Variants in RAB3IP observed in about 807,000 individuals in gnomAD.
The protein encoded by RAB3IP is rab-3A-interacting protein.
Under a neutral mutation model 59.1 loss-of-function variants are expected in RAB3IP, and 36 were observed. The ratio of observed to expected loss-of-function variants is 0.61; its 90% CI spans 0.47 to 0.80. The LOEUF (loss-of-function observed/expected upper bound fraction) is 0.80, where lower values mean the gene tolerates loss of function less well. RAB3IP is among the 30% of genes least tolerant of loss of function. RAB3IP has a pLI of 0.00. For missense variants in RAB3IP, 511 were observed against 536.0 expected, an observed-to-expected ratio of 0.95 and a Z score of 0.46; for synonymous variants, 207 against 191.2, an observed-to-expected ratio of 1.08 and a Z score of -0.68.
rs1881122180 is a variant in RAB3IP at position 69,816,196 on chromosome 12, A to T, written c.*750A>T. 2 of 152,228 alleles carry T rather than the reference A, an allele frequency of 1.3e-5. No individual in the cohort carries two copies. The highest frequency in any genetic ancestry group is 2.9e-5 in the Non-Finnish European group (2 of 68,046). 9.4% of individuals were successfully genotyped at this position (152,228 alleles called of 1,614,324 possible). A position where few individuals can be genotyped will look rare whatever the true frequency, so the allele number is the denominator to read the frequency against. Reference sequence around the variant, plus strand: ...GTCAAAGGGGTTTAAAGGGGTGTGGATTGAATGAATGGTACGTGCGAAGTA... The same window carrying T: ...GTCAAAGGGGTTTAAAGGGGTGTGGTTTGAATGAATGGTACGTGCGAAGTA... On this transcript the variant is annotated 3_prime_UTR_variant, in exon 11 of 11. Coordinates refer to ENST00000247833, the MANE Select transcript of RAB3IP (RefSeq NM_022456.5).
At chr12:69,753,863 G>A (rs1376131747) in intron 1 of RAB3IP, among the ~76,000 whole-genome samples, 3 of 152,156 alleles carry the variant, frequency 2.0e-5, no homozygotes, top group Non-Finnish European at 4.4e-5. Flanking sequence ...GGAAAAACTT[G>A]AGTGGTACAC....
At chr12:69,783,675 C>T (rs1438343203) in intron 3 of RAB3IP, among the ~76,000 whole-genome samples, 1 of 152,304 alleles carries the variant, frequency 6.6e-6, no homozygotes, top group South Asian at 2.1e-4. Context: ...TAGATTTGCT[C>T]TCCGAGTTTT....
Position 69,770,288 on chromosome 12 carries a change from GC to G in RAB3IP, c.510+13632del, listed in dbSNP as rs372615436. Among the ~76,000 whole-genome samples, 45 of 151,734 alleles carry G rather than the reference GC, an allele frequency of 3.0e-4. No individual in the cohort carries two copies. In the East Asian group the frequency reaches 5.8e-3, roughly 20 times the overall value. ...GGTTTTGTTCCAGTCCTCCAAATCC[GC>G]CCCCCCACCCTGCCGGGGATTCCAA... On this transcript the variant is annotated intron_variant, in intron 3 of 10. Coordinates refer to ENST00000247833, the MANE Select transcript of RAB3IP (RefSeq NM_022456.5).
chr12:69,755,294 C>G, intron 1 of RAB3IP, 90 bp from the exon 2 acceptor site: 1 of 1,134,854 alleles, frequency 8.8e-7, no homozygotes, highest in Admixed American at 2.6e-5. Context: ...TTACAATGGA[C>G]TGTTAAACAC....
intron 3 of RAB3IP, among the ~76,000 whole-genome samples, chr12:69,771,740 A>G (rs1008439220): frequency 3.3e-5 from 5 of 152,150 alleles, no homozygotes; most frequent in Non-Finnish European, 4.4e-5. Flanking sequence ...TAATGGCTGT[A>G]CTAATTTATA....
At position 69,818,842 on chromosome 12, in the gene RAB3IP, A is replaced by G. The variant is rs972564752; in HGVS notation, c.*3396A>G. The G allele has an allele frequency of 6.6e-6, 1 of 152,218 alleles. No homozygotes were observed. Among genetic ancestry groups the G allele is most frequent in the Non-Finnish European group, 1.5e-5 (1 of 68,052 alleles). 9.4% of individuals were successfully genotyped at this position (152,218 alleles called of 1,614,324 possible). On this transcript the variant is annotated 3_prime_UTR_variant, in exon 11 of 11. Coordinates refer to ENST00000247833, the MANE Select transcript of RAB3IP (RefSeq NM_022456.5). ...GGAGAGGTAGAGGAGGAGCAAATCT[A>G]TGAGTAAGTCACTGGTAATGTTTTA...
intron 4 of RAB3IP, 171 bp downstream of exon 4, chr12:69,784,986 G>T (rs1220662802): frequency 1.6e-5 from 6 of 371,730 alleles, no homozygotes; most frequent in Non-Finnish European, 2.9e-5. Flanking sequence ...TTAAGATGAT[G>T]TGAAAAGAAA....
chr12:69,747,293 CGTGTGTGTGTGTGTGTGT>C (rs111438084), intron 1 of RAB3IP, among the ~76,000 whole-genome samples: 2 of 137,792 alleles, frequency 1.5e-5, no homozygotes, highest in African/African-American at 2.8e-5. Context: ...CTTGCCCTTT[CGTGTGTGTGTGTGTGTGT>C]GTGTGTGTGT....
chr12:69,796,018 G>A (rs760923014), intron 6 of RAB3IP: 1 of 152,206 alleles, frequency 6.6e-6, no homozygotes, highest in Non-Finnish European at 1.5e-5. Context: ...ACGAAATAAT[G>A]GGCCGGGCAT....
intron 8 of RAB3IP, among the ~76,000 whole-genome samples, chr12:69,808,508 A>C (rs193058794): frequency 1.4e-4 from 21 of 152,254 alleles, no homozygotes; most frequent in African/African-American, 3.9e-4. Context: ...TGGGGTGTTA[A>C]AGTCTCCCAT....
chr12:69,813,957 C>T (rs1057153322), intron 10 of RAB3IP, among the ~76,000 whole-genome samples: 3 of 152,042 alleles, frequency 2.0e-5, no homozygotes, highest in African/African-American at 7.2e-5. Flanking sequence ...TTTAAAATCC[C>T]ATATAGTTGG....
At chr12:69,783,283 G>T (rs1163986858) in intron 3 of RAB3IP, among the ~76,000 whole-genome samples, 1 of 152,086 alleles carries the variant, frequency 6.6e-6, no homozygotes, top group African/African-American at 2.4e-5. Flanking sequence ...TGGTCAAAAA[G>T]GTTTTTCTTT....
At chr12:69,779,404 C>T (rs577068334) in intron 3 of RAB3IP, among the ~76,000 whole-genome samples, 22 of 152,110 alleles carry the variant, frequency 1.4e-4, no homozygotes, top group Middle Eastern at 3.4e-3. Flanking sequence ...AGCTGTAGAC[C>T]GGAGCTGTTC....
Position 69,816,721 on chromosome 12 carries a change from C to T in RAB3IP, c.*1275C>T, listed in dbSNP as rs922467410. 1 of 152,180 alleles carries T rather than the reference C, an allele frequency of 6.6e-6. No individual in the cohort carries two copies. Among genetic ancestry groups the T allele is most frequent in the African/African-American group, 2.4e-5 (1 of 41,446 alleles). 9.4% of individuals were successfully genotyped at this position (152,180 alleles called of 1,614,324 possible). A position where few individuals can be genotyped will look rare whatever the true frequency, so the allele number is the denominator to read the frequency against. On this transcript the variant is annotated 3_prime_UTR_variant, in exon 11 of 11. Transcript: ENST00000247833. ...TATGTATTTTTAAATGTTTGATCTG[C>T]ATTGCTAGATTGCCATCCAGAAAAG... is the stretch of plus-strand genomic sequence containing the variant.
At chr12:69,744,254 ATATT>A (rs1887626281) in intron 1 of RAB3IP, among the ~76,000 whole-genome samples, 1 of 152,118 alleles carries the variant, frequency 6.6e-6, no homozygotes, top group Admixed American at 6.5e-5. Flanking sequence ...ATTTAAATAA[ATATT>A]TAATTACAAA....
At chr12:69,812,653 C>T (rs755408169) in intron 8 of RAB3IP, 125 bp from the exon 9 acceptor site, 58 of 649,582 alleles carry the variant, frequency 8.9e-5, no homozygotes, top group African/African-American at 1.7e-4. Flanking sequence ...GCATCTAGAA[C>T]GGTGCCTGGT....
At chr12:69,747,768 A>G (rs948336193) in intron 1 of RAB3IP, among the ~76,000 whole-genome samples, 2 of 152,210 alleles carry the variant, frequency 1.3e-5, no homozygotes, top group Non-Finnish European at 2.9e-5. Flanking sequence ...AGACAAGTAC[A>G]TTCCTTTATC....
chr12:69,775,316 A>C (rs1873727645), intron 3 of RAB3IP, among the ~76,000 whole-genome samples: 1 of 139,108 alleles, frequency 7.2e-6, no homozygotes, highest in Non-Finnish European at 1.5e-5. Flanking sequence ...TTTTGGGCTG[A>C]GACGATGGTG....
At chr12:69,809,050 T>A (rs1231478579) in intron 8 of RAB3IP, among the ~76,000 whole-genome samples, 2 of 151,572 alleles carry the variant, frequency 1.3e-5, no homozygotes, top group Non-Finnish European at 2.9e-5. Context: ...GTTGTTCCTT[T>A]CCATGTTTAG....
Sources: allele counts gnomAD v4.1 joint callset (sites outside exome capture counted in the v4.1 genomes callset), GRCh38; gene constraint gnomAD v4.1.1; transcripts MANE v1.5; gene names NCBI Gene and HGNC (gene_info 2026-07-23, HGNC 2026-07-21).